ELOVL6: variants seen among roughly 807,000 people sequenced by gnomAD.
ELOVL6 encodes very long chain fatty acid elongase 6.
In ELOVL6, 8 loss-of-function variants were observed where a neutral mutation model predicts 31.7. The observed-to-expected ratio is 0.25, with a 90% CI of 0.15 to 0.45. The LOEUF (loss-of-function observed/expected upper bound fraction) is 0.45, where lower values mean the gene tolerates loss of function less well. Ranked by LOEUF, ELOVL6 falls within the 20% of genes least tolerant of loss-of-function variation. The probability of loss-of-function intolerance (pLI) is 1.00; values close to 1 mark genes in which losing one functional copy is unlikely to be tolerated. For synonymous variants in ELOVL6, 101 were observed against 117.7 expected, an observed-to-expected ratio of 0.86 and a Z score of 0.92; for missense variants, 126 against 326.4, an observed-to-expected ratio of 0.39 and a Z score of 4.73.
At chr4:110,180,695 A>AT (rs1759246251) in intron 1 of ELOVL6, among the ~76,000 whole-genome samples, 1 of 152,208 alleles carries the variant, frequency 6.6e-6, no homozygotes, top group South Asian at 2.1e-4. Flanking sequence ...TACAGGCATG[A>AT]GCCACCACAC....
intron 1 of ELOVL6, among the ~76,000 whole-genome samples, chr4:110,171,037 C>T (rs1267056848): frequency 6.6e-6 from 1 of 152,120 alleles, no homozygotes; most frequent in Non-Finnish European, 1.5e-5. Flanking sequence ...GCCCCTTACC[C>T]TGGAGGAAGG....
chr4:110,165,246 A>G (rs1467489358), intron 1 of ELOVL6, among the ~76,000 whole-genome samples: 1 of 152,234 alleles, frequency 6.6e-6, no homozygotes, highest in Non-Finnish European at 1.5e-5. Flanking sequence ...GCACCTGTTT[A>G]GTGGAACCAT....
rs1209172251 is a variant in ELOVL6 at position 110,048,743 on chromosome 4, T to C, written c.*2595A>G. On this transcript the variant is annotated 3_prime_UTR_variant, in exon 4 of 4. Transcript: ENST00000302274. The stretch of plus-strand genomic sequence containing the variant: ...AAAAAATGTGGCTTTTTTCCTCCCA[T>C]GATAAACATTGGAAATGCCTTTAGA... The C allele has an allele frequency of 6.6e-6, 1 of 152,214 alleles. No individual in the cohort carries two copies. Among genetic ancestry groups the C allele is most frequent in the South Asian group, 2.1e-4 (1 of 4,826 alleles). 9.4% of individuals were successfully genotyped at this position (152,214 alleles called of 1,614,324 possible). A position where few individuals can be genotyped will look rare whatever the true frequency, so the allele number is the denominator to read the frequency against.
chr4:110,070,713 G>T (rs988141481), intron 2 of ELOVL6, among the ~76,000 whole-genome samples: 55 of 152,124 alleles, frequency 3.6e-4, no homozygotes, highest in Non-Finnish European at 1.3e-4. Context: ...ACGAGATCTG[G>T]TTGTTTAAAG....
At chr4:110,104,027 T>C (rs1276700047) in intron 2 of ELOVL6, among the ~76,000 whole-genome samples, 1 of 152,176 alleles carries the variant, frequency 6.6e-6, no homozygotes, top group East Asian at 1.9e-4. Flanking sequence ...TGAGCAAGAT[T>C]AAACGAAGTA....
At chr4:110,081,081 T>C (rs941440144) in intron 2 of ELOVL6, among the ~76,000 whole-genome samples, 1 of 152,002 alleles carries the variant, frequency 6.6e-6, no homozygotes, top group African/African-American at 2.4e-5. Context: ...CACTGCTCAA[T>C]GAAATAAAAG....
At chr4:110,090,600 C>CTTTTTTGTTTTTTTTTTTTTTTTTTTTT (rs1553956743) in intron 2 of ELOVL6, among the ~76,000 whole-genome samples, 3 of 103,720 alleles carry the variant, frequency 2.9e-5, no homozygotes, top group African/African-American at 4.3e-5. Context: ...GTTTGACTTT[C>CTTTTTTGTTTTTTTTTTTTTTTTTTTTT]TTTTTTTTTT....
chr4:110,134,078 G>A (rs1157051544), intron 1 of ELOVL6, among the ~76,000 whole-genome samples: 1 of 152,214 alleles, frequency 6.6e-6, no homozygotes, highest in Non-Finnish European at 1.5e-5. Flanking sequence ...ATTCTAGCAG[G>A]AGACAGAAAT....
chr4:110,188,683 T>C (rs1419716906), intron 1 of ELOVL6, among the ~76,000 whole-genome samples: 1 of 151,542 alleles, frequency 6.6e-6, no homozygotes, highest in Non-Finnish European at 1.5e-5. Flanking sequence ...AGGTTAGGAG[T>C]TCGAGACCAG....
chr4:110,198,438 C>G lies in ELOVL6; in HGVS notation c.-103G>C. 3 of 713,766 alleles carry G rather than the reference C, an allele frequency of 4.2e-6. No homozygotes were observed. The East Asian group carries it at 7.7e-5, about 18-fold the overall frequency. 44.2% of individuals were successfully genotyped at this position (713,766 alleles called of 1,614,324 possible). The stretch of plus-strand genomic sequence containing the variant: ...CTCCTGTCTGCTTCCCCCACCCACC[C>G]CCCTAGGTCTTCCCCACGCCGCTCG... On this transcript the variant is annotated 5_prime_UTR_variant, in exon 1 of 4. Transcript: ENST00000302274.
chr4:110,099,705 G>C (rs1264283955), intron 2 of ELOVL6, among the ~76,000 whole-genome samples: 1 of 152,176 alleles, frequency 6.6e-6, no homozygotes, highest in Admixed American at 6.5e-5. Flanking sequence ...CTGATGAAAA[G>C]AAAACACTGC....
intron 2 of ELOVL6, among the ~76,000 whole-genome samples, chr4:110,071,792 G>T (rs553291898): frequency 5.9e-4 from 90 of 152,318 alleles, no homozygotes; most frequent in Admixed American, 2.2e-3. Flanking sequence ...ACTGAAAAGA[G>T]ATGGTATGAA....
intron 2 of ELOVL6, among the ~76,000 whole-genome samples, chr4:110,065,076 G>C (rs1013438717): frequency 3.3e-5 from 5 of 152,116 alleles, no homozygotes; most frequent in Admixed American, 6.6e-5. Context: ...TATTGCAGGA[G>C]ACAACAAACA....
At chr4:110,101,126 A>G (rs901604500) in intron 2 of ELOVL6, among the ~76,000 whole-genome samples, 1 of 152,140 alleles carries the variant, frequency 6.6e-6, no homozygotes, top group Non-Finnish European at 1.5e-5. Context: ...TGCAACCTCC[A>G]CCTCCAGGGT....
intron 1 of ELOVL6, among the ~76,000 whole-genome samples, chr4:110,196,515 G>A (rs907159872): frequency 1.3e-5 from 2 of 152,184 alleles, no homozygotes; most frequent in African/African-American, 4.8e-5. Flanking sequence ...AGGGGCCTCG[G>A]CTGCCCCGAA....
In ELOVL6 at chr4:110,049,926, T is replaced by G. The variant is rs547687579; in HGVS notation, c.*1412A>C. 1 of 152,344 alleles carries G rather than the reference T, an allele frequency of 6.6e-6. No individual in the cohort carries two copies. The highest frequency in any genetic ancestry group is 1.5e-5 in the Non-Finnish European group (1 of 67,974). The allele number at this position is 152,344 out of a possible 1,614,324, so 9.4% of individuals were successfully genotyped here. A position where few individuals can be genotyped will look rare whatever the true frequency, so the allele number is the denominator to read the frequency against. The stretch of plus-strand genomic sequence containing the variant: ...AGAATATGGCTCTTAATAAATTGAT[T>G]TTGAGTTCCAGAGCTAAAGTCCCTT... On this transcript the variant is annotated 3_prime_UTR_variant, in exon 4 of 4. Coordinates refer to ENST00000302274, the MANE Select transcript of ELOVL6 (RefSeq NM_024090.3).
intron 1 of ELOVL6, among the ~76,000 whole-genome samples, chr4:110,122,672 C>T (rs979541393): frequency 1.4e-4 from 21 of 152,178 alleles, no homozygotes; most frequent in Non-Finnish European, 2.5e-4. Flanking sequence ...GGCACTGCAC[C>T]CGGCCCCAAA....
At chr4:110,190,080 T>G (rs961516424) in intron 1 of ELOVL6, among the ~76,000 whole-genome samples, 4 of 152,098 alleles carry the variant, frequency 2.6e-5, no homozygotes, top group Non-Finnish European at 4.4e-5. Context: ...CTAGGAACTC[T>G]TCTATAAAAG....
At chr4:110,194,031 G>C (rs1269096024) in intron 1 of ELOVL6, among the ~76,000 whole-genome samples, 1 of 152,176 alleles carries the variant, frequency 6.6e-6, no homozygotes, top group African/African-American at 2.4e-5. Context: ...GGAGCAACTA[G>C]CATCCACTGC....
Sources: gnomAD v4.1 joint callset for allele counts (sites outside exome capture counted in the v4.1 genomes callset) on GRCh38, gnomAD v4.1.1 for gene constraint, MANE v1.5 for transcripts, NCBI Gene and HGNC (gene_info 2026-07-23, HGNC 2026-07-21) for gene names.